PCDH15: variants seen among roughly 807,000 people sequenced by gnomAD.
The protein encoded by PCDH15 is protocadherin-15.
A neutral mutation model predicts 178.5 loss-of-function variants in PCDH15; 129 were observed. The observed-to-expected ratio is 0.72, with a 90% CI of 0.63 to 0.84. PCDH15 has a LOEUF of 0.84. Ranked by LOEUF, PCDH15 falls within the 40% of genes least tolerant of loss-of-function variation. The pLI is 0.00. For missense variants in PCDH15, 2,230 were observed against 2,099.9 expected, an observed-to-expected ratio of 1.06 and a Z score of -1.21; for synonymous variants, 800 against 732.0, an observed-to-expected ratio of 1.09 and a Z score of -1.50.
chr10:53,992,444 A>T (rs2134836119), intron 21 of PCDH15, among the ~76,000 whole-genome samples: 2 of 152,306 alleles, frequency 1.3e-5, no homozygotes, highest in South Asian at 4.1e-4. Context: ...ATAAATTCCT[A>T]AAATATATAA....
chr10:54,097,188 T>C (rs1040004798), intron 15 of PCDH15, among the ~76,000 whole-genome samples: 2 of 152,232 alleles, frequency 1.3e-5, no homozygotes, highest in African/African-American at 4.8e-5. Context: ...TAAATTTGGT[T>C]GATTATGTCA....
At chr10:53,935,418 G>A (rs1430493293) in intron 25 of PCDH15, among the ~76,000 whole-genome samples, 1 of 152,088 alleles carries the variant, frequency 6.6e-6, no homozygotes, top group Non-Finnish European at 1.5e-5. Context: ...CAGAAGCATT[G>A]CTCACAACAG....
chr10:55,314,453 A>G (rs1249805968), intron 1 of PCDH15, among the ~76,000 whole-genome samples: 1 of 151,980 alleles, frequency 6.6e-6, no homozygotes, highest in Non-Finnish European at 1.5e-5. Context: ...TCTCATCATA[A>G]TGGGAAACAA....
chr10:55,200,866 G>T (rs757160738), intron 1 of PCDH15, among the ~76,000 whole-genome samples: 5 of 151,954 alleles, frequency 3.3e-5, no homozygotes, highest in African/African-American at 9.7e-5. Context: ...TTCCCCTTCT[G>T]CCATGATTAT....
chr10:53,865,911 G>A (rs2079418215), intron 27 of PCDH15, among the ~76,000 whole-genome samples: 1 of 152,130 alleles, frequency 6.6e-6, no homozygotes, highest in Admixed American at 6.6e-5. Context: ...CTTTGTATTA[G>A]ATTCATCAGA....
At chr10:55,516,437 G>A (rs533932669) in intron 2 of PCDH15, among the ~76,000 whole-genome samples, 1 of 152,144 alleles carries the variant, frequency 6.6e-6, no homozygotes, top group South Asian at 2.1e-4. Context: ...TGTAAAAATG[G>A]ACCAATACAC....
At chr10:54,157,307 A>C (rs1403721129) in intron 13 of PCDH15, among the ~76,000 whole-genome samples, 1 of 152,178 alleles carries the variant, frequency 6.6e-6, no homozygotes, top group Admixed American at 6.5e-5. Flanking sequence ...CATCCTCTGA[A>C]ATCTAGGCAG....
intron 3 of PCDH15, among the ~76,000 whole-genome samples, chr10:54,843,206 C>G (rs902003708): frequency 1.3e-5 from 2 of 151,872 alleles, no homozygotes; most frequent in Non-Finnish European, 2.9e-5. Flanking sequence ...TTAGGGAGAA[C>G]TGAACAAGTA....
At chr10:54,531,615 C>G (rs1468137378) in intron 2 of PCDH15, among the ~76,000 whole-genome samples, 1 of 152,054 alleles carries the variant, frequency 6.6e-6, no homozygotes, top group Non-Finnish European at 1.5e-5. Context: ...AATTCTATTC[C>G]CACTTTAGCC....
intron 2 of PCDH15, among the ~76,000 whole-genome samples, chr10:55,382,343 A>T (rs1252437344): frequency 1.3e-5 from 2 of 152,174 alleles, no homozygotes; most frequent in African/African-American, 2.4e-5. Context: ...TTTAAATAAG[A>T]AAATTAACCT....
chr10:55,378,219 A>T (rs1045491330), intron 2 of PCDH15, among the ~76,000 whole-genome samples: 4 of 152,136 alleles, frequency 2.6e-5, no homozygotes, highest in African/African-American at 9.7e-5. Context: ...ATAATAAAAG[A>T]TATTATGACA....
At chr10:55,054,282 G>A (rs146595837) in intron 2 of PCDH15, among the ~76,000 whole-genome samples, 4 of 152,210 alleles carry the variant, frequency 2.6e-5, no homozygotes, top group African/African-American at 7.2e-5. Flanking sequence ...GTGGCATTTA[G>A]TTTTCTGTTC....
chr10:53,877,847 A>G (rs1181246447), intron 26 of PCDH15, among the ~76,000 whole-genome samples: 1 of 152,128 alleles, frequency 6.6e-6, no homozygotes, highest in African/African-American at 2.4e-5. Context: ...TCAGTTCTGT[A>G]TAATACTTTA....
intron 1 of PCDH15, among the ~76,000 whole-genome samples, chr10:54,786,679 A>G (rs1950906087): frequency 6.6e-6 from 1 of 151,976 alleles, no homozygotes; most frequent in African/African-American, 2.4e-5. Flanking sequence ...GCTTTGTGGA[A>G]TAGGATTTTA....
intron 2 of PCDH15, among the ~76,000 whole-genome samples, chr10:55,474,362 A>T (rs1017742033): frequency 3.9e-5 from 6 of 152,210 alleles, no homozygotes; most frequent in Admixed American, 3.3e-4. Flanking sequence ...ATACAAATTT[A>T]TATTTTTGAA....
At chr10:54,146,607 A>T (rs1441224443) in intron 14 of PCDH15, among the ~76,000 whole-genome samples, 1 of 151,800 alleles carries the variant, frequency 6.6e-6, no homozygotes, top group African/African-American at 2.4e-5. Flanking sequence ...AGTAAAACAA[A>T]ACACTAAACT....
intron 13 of PCDH15, among the ~76,000 whole-genome samples, chr10:54,178,927 G>A (rs1221143662): frequency 5.9e-5 from 9 of 152,248 alleles, no homozygotes; most frequent in Middle Eastern, 6.8e-3. Flanking sequence ...AACAGGTGCT[G>A]GAGAGGATGT....
intron 10 of PCDH15, among the ~76,000 whole-genome samples, chr10:54,211,698 C>T (rs1380428985): frequency 6.6e-6 from 1 of 150,766 alleles, no homozygotes; most frequent in Non-Finnish European, 1.5e-5. Flanking sequence ...GGATCTAGTC[C>T]AACAAAAACT....
intron 4 of PCDH15, among the ~76,000 whole-genome samples, chr10:54,371,562 A>G (rs1947674458): frequency 6.6e-6 from 1 of 151,854 alleles, no homozygotes; most frequent in Admixed American, 6.6e-5. Context: ...AATAAGAAAA[A>G]TAGTTGAAAA....
Sources: gnomAD v4.1 joint callset for allele counts (sites outside exome capture counted in the v4.1 genomes callset) on GRCh38, gnomAD v4.1.1 for gene constraint, MANE v1.5 for transcripts, NCBI Gene and HGNC (gene_info 2026-07-23, HGNC 2026-07-21) for gene names.